SND1: variants seen among roughly 807,000 people sequenced by gnomAD.
SND1 encodes staphylococcal nuclease and tudor domain containing 1.
SND1 carries 38 observed loss-of-function variants against 121.7 expected under a neutral mutation model. The observed-to-expected ratio is 0.31, with a 90% CI of 0.24 to 0.41. The LOEUF (loss-of-function observed/expected upper bound fraction) is 0.41, where lower values mean the gene tolerates loss of function less well. SND1 is among the 10% of genes least tolerant of loss of function. SND1 has a pLI of 1.00. For missense variants in SND1, 868 were observed against 1,184.6 expected, an observed-to-expected ratio of 0.73 and a Z score of 3.92; for synonymous variants, 401 against 447.4, an observed-to-expected ratio of 0.90 and a Z score of 1.31.
chr7:127,856,386 G>A (rs1396181499), intron 12 of SND1, among the ~76,000 whole-genome samples: 3 of 152,150 alleles, frequency 2.0e-5, no homozygotes, highest in African/African-American at 7.2e-5. Flanking sequence ...ACCTGAAAAG[G>A]CTTACTCAAA....
chr7:127,953,218 G>A (rs201479200), intron 15 of SND1, among the ~76,000 whole-genome samples: 1,244 of 60,786 alleles, frequency 0.02, 13 homozygotes, highest in Non-Finnish European at 0.031. Context: ...GTGTGTGTGT[G>A]TGTATGTATG....
Position 128,030,354 on chromosome 7 carries a change from C to T in SND1, c.1779+39298C>T, listed in dbSNP as rs746701145. The T allele has an allele frequency of 3.5e-5, 57 of 1,613,914 alleles. 1 individual carries two copies. The South Asian group carries it at 5.4e-4, about 15-fold the overall frequency. The stretch of plus-strand genomic sequence containing the variant: ...CAGGACCTCCAGGTGGTGGAGGTGG[C>T]GGAAGGTGTCGGCCTGGATCATCTG... On this transcript the variant is annotated intron_variant, in intron 16 of 23. Coordinates refer to ENST00000354725, the MANE Select transcript of SND1 (RefSeq NM_014390.4).
At chr7:128,023,691 C>G (rs771031252) in intron 16 of SND1, among the ~76,000 whole-genome samples, 5 of 152,142 alleles carry the variant, frequency 3.3e-5, no homozygotes, top group Non-Finnish European at 5.9e-5. Context: ...TCCTTCTTCT[C>G]TGGAGTAGCA....
chr7:127,922,175 CTT>C (rs1158535023), intron 14 of SND1, among the ~76,000 whole-genome samples: 3,863 of 56,516 alleles, frequency 0.068, 17 homozygotes, highest in Middle Eastern at 0.15. Context: ...TTTTTCTTTC[CTT>C]TTTTTTTTTT....
Position 128,039,415 on chromosome 7 carries a change from T to G in SND1, c.1780-35087T>G, listed in dbSNP as rs568668323. 2.6e-5 allele frequency among the ~76,000 whole-genome samples: 4 copies of G among 152,266 alleles called. No homozygotes were observed. In the South Asian group the frequency reaches 8.3e-4, roughly 32 times the overall value. On this transcript the variant is annotated intron_variant, in intron 16 of 23. Transcript: ENST00000354725. Reference sequence around the variant, plus strand: ...GGGTAAGAGCTCAGGCCTTCCTAATTTTATCGATAGCCCTAGCCCTACCCT... The same window carrying G: ...GGGTAAGAGCTCAGGCCTTCCTAATGTTATCGATAGCCCTAGCCCTACCCT...
At chr7:127,710,101 A>G (rs1796272456) in intron 9 of SND1, among the ~76,000 whole-genome samples, 1 of 152,032 alleles carries the variant, frequency 6.6e-6, no homozygotes. Context: ...TGTGGATTTT[A>G]CACTGAAAAA....
At chr7:127,981,772 T>C (rs1802268402) in intron 15 of SND1, among the ~76,000 whole-genome samples, 1 of 152,234 alleles carries the variant, frequency 6.6e-6, no homozygotes, top group South Asian at 2.1e-4. Flanking sequence ...ATAAGGCCTC[T>C]AAGTCATCCC....
intron 15 of SND1, among the ~76,000 whole-genome samples, chr7:127,948,324 T>A (rs1436979277): frequency 6.6e-6 from 1 of 152,182 alleles, no homozygotes; most frequent in Non-Finnish European, 1.5e-5. Context: ...TTATATTAAA[T>A]GGTAGCTGAT....
chr7:127,824,250 C>A (rs1462957795), intron 11 of SND1, among the ~76,000 whole-genome samples: 1 of 152,178 alleles, frequency 6.6e-6, no homozygotes, highest in Non-Finnish European at 1.5e-5. Context: ...TTATATACAT[C>A]CACAGCAATA....
intron 16 of SND1, among the ~76,000 whole-genome samples, chr7:128,066,318 GGT>G (rs1372480132): frequency 6.6e-6 from 1 of 152,224 alleles, no homozygotes; most frequent in Non-Finnish European, 1.5e-5. Context: ...CCCTCTTGCT[GGT>G]GTGCCAGCCC....
intron 10 of SND1, among the ~76,000 whole-genome samples, chr7:127,758,136 T>C (rs1465247722): frequency 6.6e-6 from 1 of 152,248 alleles, no homozygotes. Flanking sequence ...ATAGTTGCCA[T>C]GTTATTGTGA....
chr7:127,830,872 C>G (rs759211047), intron 11 of SND1, among the ~76,000 whole-genome samples: 2 of 152,126 alleles, frequency 1.3e-5, no homozygotes, highest in African/African-American at 4.8e-5. Flanking sequence ...TTTTGAGACT[C>G]TCTGGGATAT....
chr7:127,776,233 A>T (rs775988099), intron 10 of SND1, among the ~76,000 whole-genome samples: 2 of 152,216 alleles, frequency 1.3e-5, no homozygotes, highest in Non-Finnish European at 2.9e-5. Context: ...CACCAATCAC[A>T]ACAATATCAA....
chr7:127,836,764 A>G (rs940347971), intron 11 of SND1, among the ~76,000 whole-genome samples: 10 of 152,184 alleles, frequency 6.6e-5, no homozygotes, highest in Non-Finnish European at 1.2e-4. Context: ...CCATCTACCC[A>G]CCATCCATCC....
chr7:127,810,144 C>T (rs571319408), intron 11 of SND1, among the ~76,000 whole-genome samples: 2 of 152,282 alleles, frequency 1.3e-5, no homozygotes, highest in African/African-American at 4.8e-5. Flanking sequence ...AGTGCATCAG[C>T]GTGCGACTAA....
At chr7:127,810,575 G>A (rs1419960584) in intron 11 of SND1, among the ~76,000 whole-genome samples, 1 of 152,208 alleles carries the variant, frequency 6.6e-6, no homozygotes, top group Non-Finnish European at 1.5e-5. Context: ...TTTTCTCGCT[G>A]TGTGAATACG....
intron 12 of SND1, among the ~76,000 whole-genome samples, chr7:127,868,682 A>G (rs1799522488): frequency 6.6e-6 from 1 of 152,160 alleles, no homozygotes. Context: ...TAAAAGGTAA[A>G]TGTCTTTCTC....
At chr7:127,904,589 C>T in intron 13 of SND1, 158 bp from the exon 14 acceptor site, 1 of 531,682 alleles carries the variant, frequency 1.9e-6, no homozygotes, top group Non-Finnish European at 3.5e-6. Flanking sequence ...CCACCAAATC[C>T]TCTTGCACAG....
At chr7:128,073,778 C>A (rs770354822) in intron 16 of SND1, among the ~76,000 whole-genome samples, 24 of 152,172 alleles carry the variant, frequency 1.6e-4, no homozygotes, top group Non-Finnish European at 3.5e-4. Context: ...GGGCCACGAT[C>A]CTGAGGCTGC....
Sources: allele counts gnomAD v4.1 joint callset (sites outside exome capture counted in the v4.1 genomes callset), GRCh38; gene constraint gnomAD v4.1.1; transcripts MANE v1.5; gene names NCBI Gene and HGNC (gene_info 2026-07-23, HGNC 2026-07-21).